Variants in ERG observed in about 807,000 individuals in gnomAD.
ERG encodes transcriptional regulator ERG.
Under a neutral mutation model 55.3 loss-of-function variants are expected in ERG, and 9 were observed. The ratio of observed to expected loss-of-function variants is 0.16; its 90% confidence interval spans 0.10 to 0.28. ERG has a LOEUF of 0.28. ERG is among the 10% of genes least tolerant of loss of function. ERG has a pLI of 1.00. For missense variants in ERG, 434 were observed against 631.6 expected, an observed-to-expected ratio of 0.69 and a Z score of 3.35; for synonymous variants, 223 against 237.3, an observed-to-expected ratio of 0.94 and a Z score of 0.55.
At chr21:38,376,899 C>G (rs1414033678), downstream of ERG, among the ~76,000 whole-genome samples, 1 of 152,210 alleles carries the variant, frequency 6.6e-6, no homozygotes, top group Non-Finnish European at 1.5e-5. Context: ...AACCAAAGGG[C>G]GCAGCAAGGA....
chr21:38,459,706 C>T (rs1202235139), intron 1 of ERG, among the ~76,000 whole-genome samples: 1 of 152,170 alleles, frequency 6.6e-6, no homozygotes, highest in African/African-American at 2.4e-5. Flanking sequence ...AGAAATCACA[C>T]ATATCTTCCA....
At chr21:38,490,609 T>C (rs1193717082) in intron 1 of ERG, among the ~76,000 whole-genome samples, 1 of 152,198 alleles carries the variant, frequency 6.6e-6, no homozygotes, top group African/African-American at 2.4e-5. Context: ...GAAGATCCGA[T>C]AGGGGCACTG....
At chr21:38,402,036 T>G (rs1223509556) in intron 5 of ERG, among the ~76,000 whole-genome samples, 1 of 152,128 alleles carries the variant, frequency 6.6e-6, no homozygotes, top group Admixed American at 6.5e-5. Flanking sequence ...GTTACAGAAA[T>G]TCCCTCCTGC....
intron 1 of ERG, among the ~76,000 whole-genome samples, chr21:38,465,626 T>G (rs915905707): frequency 6.6e-6 from 1 of 152,222 alleles, no homozygotes; most frequent in African/African-American, 2.4e-5. Flanking sequence ...ATGTTGATAA[T>G]GTGGGCAAGG....
chr21:38,557,276 T>C (rs192768213), intron 2 of ERG, among the ~76,000 whole-genome samples: 1 of 152,262 alleles, frequency 6.6e-6, no homozygotes, highest in South Asian at 2.1e-4. Context: ...GTTGCTAATA[T>C]GCATTCCTGA....
At chr21:38,603,582 T>C (rs12152082) in intron 1 of ERG, among the ~76,000 whole-genome samples, 413 of 151,660 alleles carry the variant, frequency 2.7e-3, no homozygotes, top group Non-Finnish European at 4.4e-3. Flanking sequence ...GGGCCCATCA[T>C]TGGAAATGCC....
chr21:38,435,481 G>A (rs182136115), intron 2 of ERG, among the ~76,000 whole-genome samples: 1 of 152,168 alleles, frequency 6.6e-6, no homozygotes. Context: ...TGAAACCGTA[G>A]ATGTTTGTCT....
intron 2 of ERG, among the ~76,000 whole-genome samples, chr21:38,435,671 GTT>G (rs1990412940): frequency 6.6e-6 from 1 of 152,168 alleles, no homozygotes; most frequent in African/African-American, 2.4e-5. Flanking sequence ...GGGGCTCGAT[GTT>G]TCCCTGAGAA....
intron 1 of ERG, among the ~76,000 whole-genome samples, chr21:38,602,051 T>TTTTACC (rs1371416403): frequency 1.3e-5 from 2 of 152,142 alleles, no homozygotes; most frequent in African/African-American, 4.8e-5. Flanking sequence ...CCTGAGTGCT[T>TTTTACC]TTTACCTGCT....
At chr21:38,425,409 AAGAAAGAGAGAG>A (rs1217165502) in intron 2 of ERG, among the ~76,000 whole-genome samples, 3 of 151,994 alleles carry the variant, frequency 2.0e-5, no homozygotes, top group African/African-American at 4.8e-5. Flanking sequence ...GAAAGAAAGA[AAGAAAGAGAGAG>A]AGAAAGAGAG....
At chr21:38,526,837 C>T (rs796304438) in intron 2 of ERG, among the ~76,000 whole-genome samples, 5 of 151,898 alleles carry the variant, frequency 3.3e-5, no homozygotes, top group African/African-American at 1.2e-4. Flanking sequence ...TTAGAACATA[C>T]GAAAGTACAA....
At chr21:38,407,648 A>ATATATG (rs751562456) in intron 3 of ERG, among the ~76,000 whole-genome samples, 1 of 146,598 alleles carries the variant, frequency 6.8e-6, no homozygotes, top group Non-Finnish European at 1.5e-5. Context: ...ATATATATTT[A>ATATATG]ATGTATATTA....
chr21:38,592,439 A>G (rs1440895768), intron 1 of ERG, among the ~76,000 whole-genome samples: 2 of 152,192 alleles, frequency 1.3e-5, no homozygotes, highest in Non-Finnish European at 2.9e-5. Flanking sequence ...AGGAGAAACC[A>G]GGGAGGCGGA....
chr21:38,590,260 G>A (rs1370354806), intron 1 of ERG, among the ~76,000 whole-genome samples: 1 of 152,184 alleles, frequency 6.6e-6, no homozygotes, highest in African/African-American at 2.4e-5. Context: ...AGGGTCACAA[G>A]AGAGGTACCA....
intron 1 of ERG, among the ~76,000 whole-genome samples, chr21:38,641,329 A>G (rs912798282): frequency 6.6e-6 from 1 of 152,232 alleles, no homozygotes; most frequent in Non-Finnish European, 1.5e-5. Context: ...GATGCCATCT[A>G]TGAACCAGAA....
At chr21:38,431,180 T>G (rs1990189830) in intron 2 of ERG, among the ~76,000 whole-genome samples, 1 of 152,130 alleles carries the variant, frequency 6.6e-6, no homozygotes, top group South Asian at 2.1e-4. Context: ...CATTGGAAAT[T>G]TTGTTAAATT....
chr21:38,384,044 T>G, intron 9 of ERG, 121 bp from the exon 10 acceptor site: 2 of 1,318,238 alleles, frequency 1.5e-6, no homozygotes, highest in Non-Finnish European at 2.0e-6. Context: ...TCACCAGGCC[T>G]GTCCGTCCAT....
At chr21:38,557,902 T>C (rs940340588) in intron 2 of ERG, among the ~76,000 whole-genome samples, 1 of 152,226 alleles carries the variant, frequency 6.6e-6, no homozygotes, top group Non-Finnish European at 1.5e-5. Flanking sequence ...TACAAAGTGT[T>C]CTCCCTGCAC....
rs1344193033 is a variant in ERG, at chr21:38,381,900, C to A, written c.*1503G>T. 1 of 1,063,270 alleles carries A rather than the reference C, an allele frequency of 9.4e-7. No homozygotes were observed. Among genetic ancestry groups the A allele is most frequent in the African/African-American group, 1.6e-5 (1 of 60,976 alleles). The allele number at this position is 1,063,270 out of a possible 1,614,324, so 65.9% of individuals were successfully genotyped here. A position where few individuals can be genotyped will look rare whatever the true frequency, so the allele number is the denominator to read the frequency against. On this transcript the variant is annotated 3_prime_UTR_variant, in exon 10 of 10. Coordinates refer to ENST00000288319, the MANE Select transcript of ERG (RefSeq NM_182918.4). ...ATTTGGGTGCCAAACATCCTATTTCCTTGGCTCTCCCTTGCACAAGTTCCT... is the reference window on the plus strand; with the variant it reads ...ATTTGGGTGCCAAACATCCTATTTCATTGGCTCTCCCTTGCACAAGTTCCT...
Sources: allele counts gnomAD v4.1 joint callset (sites outside exome capture counted in the v4.1 genomes callset), GRCh38; gene constraint gnomAD v4.1.1; transcripts MANE v1.5; gene names NCBI Gene and HGNC (gene_info 2026-07-23, HGNC 2026-07-21).